MEGF10: variants seen among roughly 807,000 people sequenced by gnomAD.
MEGF10 encodes the protein multiple epidermal growth factor-like domains protein 10.
MEGF10 carries 86 observed loss-of-function variants against 147.5 expected under a neutral mutation model. That is an observed-to-expected ratio of 0.58 (90% CI 0.49 to 0.70). The LOEUF is 0.70. MEGF10 is among the 30% of genes least tolerant of loss of function. MEGF10 has a pLI of 0.00. For missense variants in MEGF10, 1,329 were observed against 1,487.3 expected, an observed-to-expected ratio of 0.89 and a Z score of 1.75; for synonymous variants, 478 against 525.5, an observed-to-expected ratio of 0.91 and a Z score of 1.24.
intron 1 of MEGF10, among the ~76,000 whole-genome samples, chr5:127,299,817 G>A (rs1038305339): frequency 3.2e-4 from 48 of 151,558 alleles, no homozygotes; most frequent in Admixed American, 2.8e-3. Flanking sequence ...TTTTCTGGAC[G>A]TGATGGGTTC....
At chr5:127,419,009 A>T in intron 10 of MEGF10, 111 bp from the exon 11 acceptor site, 2 of 1,328,694 alleles carry the variant, frequency 1.5e-6, no homozygotes, top group South Asian at 3.1e-5. Context: ...CAGTGTGTTA[A>T]AATTAGAGAG....
At chr5:127,420,404 A>T (rs528202708) in intron 12 of MEGF10, among the ~76,000 whole-genome samples, 197 bp downstream of exon 12, 1 of 152,298 alleles carries the variant, frequency 6.6e-6, no homozygotes, top group East Asian at 1.9e-4. Context: ...CTGGTTAGAT[A>T]GGCTCTGCGA....
chr5:127,440,853 G>A lies in MEGF10; in HGVS notation c.2348G>A (p.Arg783Gln), dbSNP rs755400237. The A allele has an allele frequency of 6.4e-5, 103 of 1,613,910 alleles. 3 individuals carry two copies. The highest frequency in any genetic ancestry group is 5.4e-4 in the South Asian group (49 of 91,062). ...ACTTGCCGCACTGGATTCATGGGAC[G>A]GCACTGTGAGCAGAGTAAGTATGAG... ...QCTCRTGFMG[R>Q]HCEQKCPSGT... Residue 783 changes from arginine to glutamine, a missense_variant, in exon 18 of 25, where the codon CGG becomes CAG. Coordinates refer to ENST00000503335, the MANE Select transcript of MEGF10 (RefSeq NM_001256545.2).
chr5:127,379,034 A>G (rs1441093180), intron 5 of MEGF10, among the ~76,000 whole-genome samples: 2 of 149,894 alleles, frequency 1.3e-5, no homozygotes, highest in Non-Finnish European at 3.0e-5. Context: ...CATGTTGTTT[A>G]ACTCCACTTC....
At chr5:127,453,665 C>G (rs1489966975) in intron 22 of MEGF10, among the ~76,000 whole-genome samples, 2 of 152,150 alleles carry the variant, frequency 1.3e-5, no homozygotes, top group Non-Finnish European at 2.9e-5. Flanking sequence ...GTCTCCTAAT[C>G]TATAGTTTTC....
In MEGF10 at chr5:127,378,224, T is replaced by C. The variant is rs115851281; in HGVS notation, c.412+8222T>C. On this transcript the variant is annotated intron_variant, in intron 5 of 24. Coordinates refer to ENST00000503335, the MANE Select transcript of MEGF10 (RefSeq NM_001256545.2). ...CTCATGCTTTGAACAAGGATAAGAA[T>C]ATCTATTATACTCATAGGCTTGTGG... Among the ~76,000 whole-genome samples, 531 of 152,338 alleles carry C rather than the reference T, an allele frequency of 3.5e-3. 2 individuals carry two copies. Among genetic ancestry groups the C allele is most frequent in the African/African-American group, 0.011 (476 of 41,570 alleles).
chr5:127,272,743 G>A, the MEGF10 span, among the ~76,000 whole-genome samples: 1 of 152,154 alleles, frequency 6.6e-6, no homozygotes, highest in East Asian at 1.9e-4. Flanking sequence ...TGTTGTTGGT[G>A]TATAGGAATG....
At chr5:127,325,393 T>C (rs954103281) in intron 1 of MEGF10, among the ~76,000 whole-genome samples, 3 of 152,146 alleles carry the variant, frequency 2.0e-5, no homozygotes, top group African/African-American at 7.2e-5. Flanking sequence ...GTAGATTTTT[T>C]CCCTCATATG....
chr5:127,403,256 C>T lies in MEGF10; in HGVS notation c.917+574C>T, dbSNP rs78300967. On this transcript the variant is annotated intron_variant, in intron 8 of 24. Transcript: ENST00000503335. ...TTAATGGTAAACTGTTATCTCAGAGCGCTTTGCACACCCTACTTCTTTTTC... is the reference window on the plus strand; with the variant it reads ...TTAATGGTAAACTGTTATCTCAGAGTGCTTTGCACACCCTACTTCTTTTTC... 7.9e-3 allele frequency among the ~76,000 whole-genome samples: 1,195 copies of T among 152,114 alleles called. 13 individuals carry two copies. The highest frequency in any genetic ancestry group is 0.028 in the African/African-American group (1,155 of 41,476).
At chr5:127,401,976 C>T (rs989205739) in intron 7 of MEGF10, among the ~76,000 whole-genome samples, 1 of 152,178 alleles carries the variant, frequency 6.6e-6, no homozygotes, top group Non-Finnish European at 1.5e-5. Context: ...TGTCTAGGTT[C>T]GTTCCTGTAG....
At position 127,339,165 on chromosome 5, in the gene MEGF10, A is replaced by T; in HGVS notation, c.162A>T (p.Gln54His). ...AGTCATACCCACATCCCTTTGATCAAATTTACTACACGAGCTGCACTGACA... is the reference window on the plus strand; with the variant it reads ...AGTCATACCCACATCCCTTTGATCATATTTACTACACGAGCTGCACTGACA... The part of the protein sequence containing the change: ...VQESYPHPFD[Q>H]IYYTSCTDIL... Residue 54 changes from glutamine (Q) to histidine (H), a missense_variant, in exon 3 of 25, where the codon CAA (glutamine) becomes CAT (histidine). Coordinates refer to ENST00000503335, the MANE Select transcript of MEGF10 (RefSeq NM_001256545.2). The T allele has an allele frequency of 6.2e-7, 1 of 1,612,632 alleles. No individual in the cohort carries two copies. The highest frequency in any genetic ancestry group is 8.5e-7 in the Non-Finnish European group (1 of 1,178,930).
chr5:127,389,685 C>T (rs1460252209), intron 5 of MEGF10, among the ~76,000 whole-genome samples: 9 of 152,154 alleles, frequency 5.9e-5, no homozygotes, highest in Non-Finnish European at 1.3e-4. Flanking sequence ...AAACAAAATA[C>T]TGCATGTTCT....
At chr5:127,398,627 C>T in intron 6 of MEGF10, 49 bp from the exon 7 acceptor site, 2 of 1,611,344 alleles carry the variant, frequency 1.2e-6, no homozygotes, top group Admixed American at 1.7e-5. Context: ...ACCCGAGGGT[C>T]ATGTGTCTGG....
chr5:127,376,701 A>G (rs1763042873), intron 5 of MEGF10, among the ~76,000 whole-genome samples: 1 of 152,238 alleles, frequency 6.6e-6, no homozygotes, highest in Admixed American at 6.5e-5. Flanking sequence ...ATATGCAATC[A>G]TCATTATAAG....
chr5:127,265,290 G>T, the MEGF10 span, among the ~76,000 whole-genome samples: 2 of 152,068 alleles, frequency 1.3e-5, no homozygotes. Flanking sequence ...TGGTGTATAT[G>T]TGCCACATTT....
rs533036824 is a variant in MEGF10 at position 127,297,393 on chromosome 5, C to A, written c.-19+6337C>A. 7.0e-4 allele frequency among the ~76,000 whole-genome samples: 107 copies of A among 152,194 alleles called. 1 individual carries two copies. The highest frequency in any genetic ancestry group is 2.5e-3 in the African/African-American group (102 of 41,540). On this transcript the variant is annotated intron_variant, in intron 1 of 24. Transcript: ENST00000503335. ...CACATTGCATGCCCATATAAAATAT[C>A]TCATGTAACCCATAAATATATACAT...
chr5:127,390,295 C>CT (rs769521777), intron 5 of MEGF10, among the ~76,000 whole-genome samples: 1,985 of 145,982 alleles, frequency 0.014, 25 homozygotes, highest in East Asian at 0.049. Context: ...CATGGGGCAT[C>CT]TTTTTTTTTT....
At chr5:127,451,838 A>G (rs1463640381) in intron 22 of MEGF10, among the ~76,000 whole-genome samples, 1 of 152,200 alleles carries the variant, frequency 6.6e-6, no homozygotes, top group Non-Finnish European at 1.5e-5. Flanking sequence ...AGTTCTTCAC[A>G]AAGGACAGAG....
intron 5 of MEGF10, among the ~76,000 whole-genome samples, chr5:127,389,654 G>A (rs963686111): frequency 6.6e-6 from 1 of 152,154 alleles, no homozygotes; most frequent in South Asian, 2.1e-4. Flanking sequence ...ATTATCCTTA[G>A]CATACTAATG....
Sources: gnomAD v4.1 joint callset for allele counts (sites outside exome capture counted in the v4.1 genomes callset) on GRCh38, gnomAD v4.1.1 for gene constraint, MANE v1.5 for transcripts, NCBI Gene and HGNC (gene_info 2026-07-23, HGNC 2026-07-21) for gene names.